ZNF385D: variants seen among roughly 807,000 people sequenced by gnomAD.
The protein encoded by ZNF385D is zinc finger protein 659.
A neutral mutation model predicts 35.8 loss-of-function variants in ZNF385D; 15 were observed. That is an observed-to-expected ratio of 0.42 (90% CI 0.28 to 0.64). The LOEUF (loss-of-function observed/expected upper bound fraction) is 0.64. Among genes scored for constraint, ZNF385D ranks in the 30% least tolerant of loss-of-function variants. The pLI is 0.23. For synonymous variants in ZNF385D, 212 were observed against 186.8 expected (o/e 1.13, Z -1.10); for missense variants, 474 against 494.6 (o/e 0.96, Z 0.39).
intron 3 of ZNF385D, among the ~76,000 whole-genome samples, chr3:21,998,983 C>T (rs993419605): frequency 6.6e-6 from 1 of 152,176 alleles, no homozygotes; most frequent in East Asian, 1.9e-4. Flanking sequence ...CAATTACTGG[C>T]ATCCAATTGA....
intron 2 of ZNF385D, among the ~76,000 whole-genome samples, chr3:21,661,611 A>C (rs2066240118): frequency 6.6e-6 from 1 of 152,214 alleles, no homozygotes; most frequent in Admixed American, 6.5e-5. Context: ...ATGTCTTAAG[A>C]GATTAAAGGG....
chr3:21,689,190 G>A (rs1005403940), intron 1 of ZNF385D, among the ~76,000 whole-genome samples: 8 of 149,458 alleles, frequency 5.4e-5, no homozygotes, highest in Non-Finnish European at 1.0e-4. Context: ...GTATCTCAGA[G>A]CAGTTAAGCC....
At chr3:21,799,087 T>A (rs979532643) in intron 3 of ZNF385D, among the ~76,000 whole-genome samples, 3 of 152,122 alleles carry the variant, frequency 2.0e-5, no homozygotes, top group Non-Finnish European at 4.4e-5. Context: ...GTAATTCACT[T>A]AGCATGTTTT....
chr3:21,933,360 A>G lies in ZNF385D; in HGVS notation c.325+235457T>C, dbSNP rs370104192. The stretch of plus-strand genomic sequence containing the variant: ...GAATAGATTTTGCTATTTGATCTAT[A>G]TACCTTAGTCTGTGGTACATTTGAA... On this transcript the variant is annotated intron_variant, in intron 3 of 5. Transcript: ENST00000494108. Among the ~76,000 whole-genome samples the G allele has an allele frequency of 1.8e-4, 28 of 152,324 alleles. No individual in the cohort carries two copies. In the East Asian group the frequency reaches 5.2e-3, roughly 28 times the overall value.
chr3:22,122,952 G>C (rs536124350), intron 3 of ZNF385D, among the ~76,000 whole-genome samples: 4 of 152,302 alleles, frequency 2.6e-5, no homozygotes, highest in African/African-American at 9.6e-5. Flanking sequence ...AAAAGTATTA[G>C]GAGATAAGAT....
At chr3:21,975,722 T>TAC (rs1559808615) in intron 3 of ZNF385D, among the ~76,000 whole-genome samples, 3 of 5,148 alleles carry the variant, frequency 5.8e-4, no homozygotes, top group Non-Finnish European at 1.7e-3. Flanking sequence ...TATATATATA[T>TAC]ATATATATAT....
chr3:21,857,379 G>A (rs1696781535), intron 3 of ZNF385D, among the ~76,000 whole-genome samples: 2 of 152,066 alleles, frequency 1.3e-5, no homozygotes, highest in Non-Finnish European at 2.9e-5. Flanking sequence ...ATAGTAAGTT[G>A]TATTCCTTAG....
At chr3:21,962,985 T>G (rs1232710677) in intron 3 of ZNF385D, among the ~76,000 whole-genome samples, 2 of 152,222 alleles carry the variant, frequency 1.3e-5, no homozygotes, top group African/African-American at 4.8e-5. Flanking sequence ...TGACAACTAG[T>G]GTTTTATAAA....
chr3:21,823,446 C>CAG (rs386396107), intron 3 of ZNF385D, among the ~76,000 whole-genome samples: 1 of 151,864 alleles, frequency 6.6e-6, no homozygotes, highest in African/African-American at 2.4e-5. Context: ...AACACACACA[C>CAG]ACACATGCAC....
At chr3:21,664,840 T>C in intron 2 of ZNF385D, 46 bp downstream of exon 2, 1 of 1,612,380 alleles carries the variant, frequency 6.2e-7, no homozygotes, top group Non-Finnish European at 8.5e-7. Flanking sequence ...AAGTTAGTTT[T>C]CCAATACCTT....
intron 2 of ZNF385D, among the ~76,000 whole-genome samples, chr3:22,301,391 T>A (rs183165072): frequency 1.3e-5 from 2 of 152,192 alleles, no homozygotes; most frequent in East Asian, 3.9e-4. Flanking sequence ...TAACAATGTA[T>A]TGTATTCTTA....
In ZNF385D at chr3:22,087,047, C is replaced by A. The variant is rs118032637; in HGVS notation, c.325+81770G>T. Reference sequence around the variant, plus strand: ...CGCATACATATGTAACAAACCTGCACGCACATGTACCCTAGAACTTAAAGT... The same window carrying A: ...CGCATACATATGTAACAAACCTGCAAGCACATGTACCCTAGAACTTAAAGT... On this transcript the variant is annotated intron_variant, in intron 3 of 5. Coordinates refer to the ZNF385D transcript ENST00000494108. 2.6e-5 allele frequency among the ~76,000 whole-genome samples: 4 copies of A among 151,996 alleles called. No homozygotes were observed. In the East Asian group the frequency reaches 7.8e-4, roughly 29 times the overall value.
chr3:22,059,177 T>A (rs1367920235), intron 3 of ZNF385D, among the ~76,000 whole-genome samples: 2 of 152,086 alleles, frequency 1.3e-5, no homozygotes, highest in East Asian at 3.9e-4. Flanking sequence ...TCATTGGAGG[T>A]GACTGCCCTC....
At chr3:21,814,975 C>T (rs1259060416) in intron 3 of ZNF385D, among the ~76,000 whole-genome samples, 1 of 152,182 alleles carries the variant, frequency 6.6e-6, no homozygotes, top group African/African-American at 2.4e-5. Flanking sequence ...GAAATTATAA[C>T]AAACTGTCTC....
intron 2 of ZNF385D, among the ~76,000 whole-genome samples, chr3:21,600,376 G>C (rs2064248997): frequency 6.6e-6 from 1 of 152,104 alleles, no homozygotes; most frequent in Admixed American, 6.6e-5. Flanking sequence ...ATTAGTGATA[G>C]TTTTATTGAA....
At chr3:21,960,994 T>C (rs1702556659) in intron 3 of ZNF385D, among the ~76,000 whole-genome samples, 1 of 152,104 alleles carries the variant, frequency 6.6e-6, no homozygotes, top group Admixed American at 6.6e-5. Flanking sequence ...TGATTTCTGC[T>C]GACCTGTGGT....
intron 2 of ZNF385D, among the ~76,000 whole-genome samples, chr3:22,287,808 A>C (rs1232819881): frequency 6.6e-6 from 1 of 152,008 alleles, no homozygotes; most frequent in East Asian, 1.9e-4. Context: ...ATAGTATTAG[A>C]ATGTTTTAAA....
At chr3:21,813,025 T>C (rs2072999385) in intron 3 of ZNF385D, among the ~76,000 whole-genome samples, 1 of 152,178 alleles carries the variant, frequency 6.6e-6, no homozygotes, top group South Asian at 2.1e-4. Context: ...CAGCAACATT[T>C]GCTGTTCTGC....
At chr3:22,191,222 G>T (rs1387486776) in intron 2 of ZNF385D, among the ~76,000 whole-genome samples, 2 of 151,968 alleles carry the variant, frequency 1.3e-5, no homozygotes, top group East Asian at 3.9e-4. Context: ...CGGGCGCGGT[G>T]GCTCACGCCT....
Sources: gnomAD v4.1 joint callset for allele counts (sites outside exome capture counted in the v4.1 genomes callset) on GRCh38, gnomAD v4.1.1 for gene constraint, MANE v1.5 for transcripts, NCBI Gene and HGNC (gene_info 2026-07-23, HGNC 2026-07-21) for gene names.